The following TBC1D1 variants were observed in gnomAD, a reference collection of about 807,000 sequenced individuals.
The protein encoded by TBC1D1 is TBC1 domain family member 1.
Under a neutral mutation model 125.6 loss-of-function variants are expected in TBC1D1, and 89 were observed. The observed-to-expected ratio is 0.71, with a 90% confidence interval of 0.60 to 0.85. The LOEUF (loss-of-function observed/expected upper bound fraction) is 0.85. TBC1D1 is among the 40% of genes least tolerant of loss of function. TBC1D1 has a pLI of 0.00. For synonymous variants in TBC1D1, 565 were observed against 564.1 expected (o/e 1.00, Z -0.02); for missense variants, 1,377 against 1,469.2 (o/e 0.94, Z 1.03).
chr4:38,122,744 A>G (rs1357226106), intron 17 of TBC1D1, among the ~76,000 whole-genome samples: 1 of 152,212 alleles, frequency 6.6e-6, no homozygotes, highest in Non-Finnish European at 1.5e-5. Context: ...AGTAGAAGAC[A>G]CCTCTCAGCA....
At chr4:38,129,053 T>C (rs1489163871) in intron 18 of TBC1D1, among the ~76,000 whole-genome samples, 9 of 152,188 alleles carry the variant, frequency 5.9e-5, no homozygotes, top group Admixed American at 6.5e-5. Context: ...TGTCAGAGCT[T>C]GTTAGAAACT....
intron 2 of TBC1D1, among the ~76,000 whole-genome samples, chr4:37,967,015 T>A (rs1731203736): frequency 6.6e-6 from 1 of 152,214 alleles, no homozygotes; most frequent in Non-Finnish European, 1.5e-5. Flanking sequence ...AGGAAAAAAT[T>A]CAAATTGTTT....
Position 38,103,092 on chromosome 4 carries a change from A to G in TBC1D1, c.2492A>G (p.Asp831Gly). The G allele has an allele frequency of 1.2e-6, 2 of 1,614,150 alleles. No homozygotes were observed. Among genetic ancestry groups the G allele is most frequent in the Non-Finnish European group, 1.7e-6 (2 of 1,180,026 alleles). ...TTTCCCAGCAAACAGCAGCCAAAGGATGTGCCATACAAAGAACTCTTAAAG... is the reference window on the plus strand; with the variant it reads ...TTTCCCAGCAAACAGCAGCCAAAGGGTGTGCCATACAAAGAACTCTTAAAG... The change falls in exon 15 of 20, where the codon GAT becomes GGT. Residue 831 changes from aspartate to glycine, a missense_variant. Transcript: ENST00000261439.
At chr4:37,935,724 C>T (rs758960038) in intron 2 of TBC1D1, among the ~76,000 whole-genome samples, 7 of 152,234 alleles carry the variant, frequency 4.6e-5, no homozygotes, top group Middle Eastern at 3.4e-3. Flanking sequence ...GCATGGATTC[C>T]GATTGGTCTG....
rs938967813 is a variant in TBC1D1, at chr4:38,045,451, A to G, written c.1543-366A>G. On this transcript the variant is annotated intron_variant, in intron 9 of 19. Coordinates refer to ENST00000261439, the MANE Select transcript of TBC1D1 (RefSeq NM_015173.4). Reference sequence around the variant, plus strand: ...TGCATTTGAGAGCTCCCAAAGGGATAGAGTGCTGTCCGAGTGACATGCGGC... The same window carrying G: ...TGCATTTGAGAGCTCCCAAAGGGATGGAGTGCTGTCCGAGTGACATGCGGC... Among the ~76,000 whole-genome samples, 5 of 152,238 alleles carry G rather than the reference A, an allele frequency of 3.3e-5. No homozygotes were observed. The East Asian group carries it at 9.6e-4, about 29-fold the overall frequency.
At chr4:38,032,046 C>T (rs371974018) in intron 7 of TBC1D1, among the ~76,000 whole-genome samples, 1 of 152,158 alleles carries the variant, frequency 6.6e-6, no homozygotes, top group African/African-American at 2.4e-5. Context: ...TGGCCAGGCG[C>T]GGTGGCTCAT....
chr4:37,982,609 A>G (rs186305320), intron 2 of TBC1D1, among the ~76,000 whole-genome samples: 2 of 152,300 alleles, frequency 1.3e-5, no homozygotes, highest in East Asian at 3.9e-4. Context: ...TGTGCCAGGA[A>G]CTTGGGCGTA....
chr4:38,113,222 A>G (rs1250652715), intron 15 of TBC1D1, among the ~76,000 whole-genome samples: 3 of 152,208 alleles, frequency 2.0e-5, no homozygotes, highest in South Asian at 2.1e-4. Flanking sequence ...GCCTTGTGCA[A>G]GGTCCTTCTA....
At chr4:37,992,373 T>G (rs1736766541) in intron 2 of TBC1D1, among the ~76,000 whole-genome samples, 1 of 152,154 alleles carries the variant, frequency 6.6e-6, no homozygotes, top group Admixed American at 6.5e-5. Flanking sequence ...CTTACCAGGT[T>G]TTGAGCCCAG....
intron 2 of TBC1D1, among the ~76,000 whole-genome samples, chr4:37,939,883 G>T (rs1465054621): frequency 1.3e-5 from 2 of 152,086 alleles, no homozygotes; most frequent in Admixed American, 6.6e-5. Context: ...TTGGACTATA[G>T]CTCTGTTTTG....
At chr4:38,071,013 A>AT (rs894929953) in intron 12 of TBC1D1, among the ~76,000 whole-genome samples, 2 of 152,044 alleles carry the variant, frequency 1.3e-5, no homozygotes, top group Non-Finnish European at 2.9e-5. Context: ...TTGTTTGGGG[A>AT]TTTTTCCCCT....
chr4:37,928,846 T>A (rs1488997056), intron 2 of TBC1D1, among the ~76,000 whole-genome samples: 1 of 152,192 alleles, frequency 6.6e-6, no homozygotes, highest in Non-Finnish European at 1.5e-5. Flanking sequence ...GCCACTTAAT[T>A]TCCCTCTTTA....
chr4:37,943,479 G>T (rs574338039), intron 2 of TBC1D1, among the ~76,000 whole-genome samples: 1 of 152,162 alleles, frequency 6.6e-6, no homozygotes, highest in Admixed American at 6.6e-5. Context: ...ACACCAATCA[G>T]ACGTAGATTT....
intron 2 of TBC1D1, among the ~76,000 whole-genome samples, chr4:37,972,676 C>T (rs1043833226): frequency 6.6e-6 from 1 of 151,760 alleles, no homozygotes; most frequent in Non-Finnish European, 1.5e-5. Context: ...GAAGCCGAGG[C>T]GGGCGGGTCA....
intron 2 of TBC1D1, among the ~76,000 whole-genome samples, chr4:37,985,438 A>G (rs1199598843): frequency 6.6e-6 from 1 of 152,194 alleles, no homozygotes; most frequent in Admixed American, 6.5e-5. Context: ...ATTTTCCTGT[A>G]AATCATTTTT....
intron 12 of TBC1D1, among the ~76,000 whole-genome samples, chr4:38,058,103 C>T (rs1242311552): frequency 1.3e-5 from 2 of 152,174 alleles, no homozygotes; most frequent in Non-Finnish European, 2.9e-5. Context: ...TACGTACTTG[C>T]CTTCAGTCAA....
At chr4:37,909,964 CG>C in intron 2 of TBC1D1, among the ~76,000 whole-genome samples, 1 of 152,186 alleles carries the variant, frequency 6.6e-6, no homozygotes, top group African/African-American at 2.4e-5. Context: ...AAAGAATGTC[CG>C]GGACTGCATG....
chr4:38,082,374 T>A (rs978863617), intron 12 of TBC1D1, among the ~76,000 whole-genome samples: 4 of 152,118 alleles, frequency 2.6e-5, no homozygotes, highest in African/African-American at 9.7e-5. Context: ...CTCATAAAAT[T>A]ACAAGAACCA....
In TBC1D1 at chr4:38,034,390, G is replaced by A. The variant is rs573178493; in HGVS notation, c.1303-1198G>A. Among the ~76,000 whole-genome samples the A allele has an allele frequency of 4.6e-5, 7 of 152,350 alleles. No homozygotes were observed. The South Asian group carries it at 1.4e-3, about 32-fold the overall frequency. On this transcript the variant is annotated intron_variant, in intron 7 of 19. Transcript: ENST00000261439. ...TTCAGTCCGAAATTTGAAAGAACAG[G>A]AAGGCCTCAATGAAAACAAACCCTT...
Sources: allele counts gnomAD v4.1 joint callset (sites outside exome capture counted in the v4.1 genomes callset), GRCh38; gene constraint gnomAD v4.1.1; transcripts MANE v1.5; gene names NCBI Gene and HGNC (gene_info 2026-07-23, HGNC 2026-07-21).